Variants in ADAMTSL1 observed in about 807,000 individuals in gnomAD.
ADAMTSL1 encodes the protein ADAMTS like 1.
In ADAMTSL1, 126 loss-of-function variants were observed where a neutral mutation model predicts 201.8. The ratio of observed to expected loss-of-function variants is 0.62; its 90% CI spans 0.54 to 0.72. The LOEUF (loss-of-function observed/expected upper bound fraction) is 0.72. ADAMTSL1 is among the 30% of genes least tolerant of loss of function. The pLI is 0.00. For missense variants in ADAMTSL1, 2,679 were observed against 2,277.8 expected (o/e 1.18, Z -3.59); for synonymous variants, 1,121 against 903.4 (o/e 1.24, Z -4.32).
At chr9:18,640,614 C>T (rs908219921) in intron 7 of ADAMTSL1, among the ~76,000 whole-genome samples, 1 of 151,980 alleles carries the variant, frequency 6.6e-6, no homozygotes. Flanking sequence ...GCCCGACATG[C>T]GTAAGTTTAA....
chr9:17,961,742 G>A (rs1003818823), intron 1 of ADAMTSL1, among the ~76,000 whole-genome samples: 2 of 152,284 alleles, frequency 1.3e-5, no homozygotes, highest in African/African-American at 4.8e-5. Flanking sequence ...CCACTCTGGG[G>A]ACTCCCTCTC....
intron 1 of ADAMTSL1, among the ~76,000 whole-genome samples, chr9:18,084,854 A>G (rs1269504646): frequency 5.3e-5 from 8 of 152,190 alleles, no homozygotes; most frequent in Non-Finnish European, 1.0e-4. Context: ...ATGTGCAAGT[A>G]AAATATATAT....
chr9:18,195,601 G>A (rs1031266912), intron 2 of ADAMTSL1, among the ~76,000 whole-genome samples: 1 of 152,110 alleles, frequency 6.6e-6, no homozygotes, highest in Non-Finnish European at 1.5e-5. Flanking sequence ...TTTGCAAGGA[G>A]ACATTTCTTC....
At chr9:18,005,292 AGAG>A (rs1819769333) in intron 1 of ADAMTSL1, among the ~76,000 whole-genome samples, 2 of 152,086 alleles carry the variant, frequency 1.3e-5, no homozygotes, top group South Asian at 4.1e-4. Context: ...ACAGCTCACT[AGAG>A]AAGTGTGCAG....
intron 15 of ADAMTSL1, among the ~76,000 whole-genome samples, chr9:18,727,757 C>T (rs1817976506): frequency 6.6e-6 from 1 of 152,206 alleles, no homozygotes; most frequent in Non-Finnish European, 1.5e-5. Flanking sequence ...TTACATCAAT[C>T]TTGAATCTGT....
At chr9:18,391,845 G>A (rs1459180889) in intron 2 of ADAMTSL1, among the ~76,000 whole-genome samples, 2 of 85,560 alleles carry the variant, frequency 2.3e-5, no homozygotes, top group Admixed American at 3.4e-4. Flanking sequence ...TTTTTTTTGA[G>A]ATGGAGCCTC....
At chr9:18,341,813 T>G (rs1014871803) in intron 2 of ADAMTSL1, among the ~76,000 whole-genome samples, 3 of 152,134 alleles carry the variant, frequency 2.0e-5, no homozygotes, top group Admixed American at 6.6e-5. Flanking sequence ...TATGTAGACA[T>G]AAAATAAGAT....
At chr9:18,522,477 C>T (rs1460480182) in intron 2 of ADAMTSL1, among the ~76,000 whole-genome samples, 3 of 151,924 alleles carry the variant, frequency 2.0e-5, no homozygotes, top group Non-Finnish European at 4.4e-5. Context: ...TTCTAAGGTA[C>T]ATGTGCACAA....
rs1413458986 is a variant in ADAMTSL1 at position 17,956,710 on chromosome 9, G to T, written c.87+49788G>T. Among the ~76,000 whole-genome samples, 5 of 152,138 alleles carry T rather than the reference G, an allele frequency of 3.3e-5. No homozygotes were observed. The East Asian group carries it at 7.7e-4, about 23-fold the overall frequency. On this transcript the variant is annotated intron_variant, in intron 1 of 29. Coordinates refer to the ADAMTSL1 transcript ENST00000680146. ...ATGCAAGTCACTAAGGCCAGCTTAG[G>T]TTCAAGCAATTAGAAGCCATTTCAA... is the stretch of plus-strand genomic sequence containing the variant.
intron 4 of ADAMTSL1, among the ~76,000 whole-genome samples, chr9:18,619,369 G>T (rs1011296360): frequency 1.3e-5 from 2 of 151,784 alleles, no homozygotes; most frequent in African/African-American, 2.4e-5. Flanking sequence ...TGAGTTAGAA[G>T]ATTTTGGCAT....
intron 9 of ADAMTSL1, among the ~76,000 whole-genome samples, chr9:18,664,658 T>A (rs1431290694): frequency 6.6e-6 from 1 of 151,988 alleles, no homozygotes; most frequent in East Asian, 1.9e-4. Context: ...AAGTAAAAAA[T>A]AAATTTAAAA....
At chr9:18,609,190 G>A (rs2132592264) in intron 4 of ADAMTSL1, among the ~76,000 whole-genome samples, 1 of 152,306 alleles carries the variant, frequency 6.6e-6, no homozygotes, top group South Asian at 2.1e-4. Flanking sequence ...TTTGAAAGTG[G>A]TTCCTGAATT....
intron 1 of ADAMTSL1, among the ~76,000 whole-genome samples, chr9:18,001,298 C>T (rs1282822274): frequency 9.9e-5 from 15 of 151,880 alleles, no homozygotes; most frequent in Admixed American, 9.8e-4. Flanking sequence ...AAATATTTCC[C>T]CTTCAAAGAT....
intron 1 of ADAMTSL1, among the ~76,000 whole-genome samples, chr9:18,056,181 T>C (rs914465959): frequency 4.0e-5 from 6 of 151,424 alleles, no homozygotes; most frequent in African/African-American, 1.5e-4. Context: ...TCTGCCCTTC[T>C]CCTCAAATAT....
intron 2 of ADAMTSL1, among the ~76,000 whole-genome samples, chr9:18,185,795 C>T (rs985538827): frequency 6.6e-6 from 1 of 152,026 alleles, no homozygotes; most frequent in Non-Finnish European, 1.5e-5. Flanking sequence ...AGTTTACAAG[C>T]ATTGGTTATG....
chr9:18,606,932 T>A (rs1436185435), intron 4 of ADAMTSL1, among the ~76,000 whole-genome samples: 1 of 152,158 alleles, frequency 6.6e-6, no homozygotes, highest in Admixed American at 6.6e-5. Flanking sequence ...ACAACCTCCA[T>A]TCACTTGCCC....
chr9:18,520,653 A>G (rs752826610), intron 2 of ADAMTSL1, among the ~76,000 whole-genome samples: 33 of 152,200 alleles, frequency 2.2e-4, no homozygotes, highest in Non-Finnish European at 4.6e-4. Flanking sequence ...ATGAGCTAAC[A>G]TGGCACCAGG....
At chr9:18,588,806 A>G (rs1277879868) in intron 4 of ADAMTSL1, among the ~76,000 whole-genome samples, 4 of 143,720 alleles carry the variant, frequency 2.8e-5, no homozygotes, top group South Asian at 4.3e-4. Context: ...ATTCTGTTCC[A>G]TTGGTGTATC....
intron 4 of ADAMTSL1, among the ~76,000 whole-genome samples, chr9:18,586,066 A>G (rs773141256): frequency 1.3e-5 from 2 of 152,178 alleles, no homozygotes; most frequent in Non-Finnish European, 2.9e-5. Context: ...CCTATTCAAC[A>G]TCATATTGGA....
Sources: allele counts gnomAD v4.1 joint callset (sites outside exome capture counted in the v4.1 genomes callset), GRCh38; gene constraint gnomAD v4.1.1; transcripts MANE v1.5; gene names NCBI Gene and HGNC (gene_info 2026-07-23, HGNC 2026-07-21).